The following CACNA2D3 variants were observed in gnomAD, a reference collection of about 807,000 sequenced individuals.
CACNA2D3 encodes the protein voltage-dependent calcium channel subunit alpha-2/delta-3.
In CACNA2D3, 60 loss-of-function variants were observed where a neutral mutation model predicts 160.6. The observed-to-expected ratio is 0.37, with a 90% CI of 0.30 to 0.46. CACNA2D3 has a LOEUF of 0.46. Among genes scored for constraint, CACNA2D3 ranks in the 20% least tolerant of loss-of-function variants. CACNA2D3 has a pLI of 1.00. For synonymous variants in CACNA2D3, 558 were observed against 492.9 expected, an observed-to-expected ratio of 1.13 and a Z score of -1.75; for missense variants, 1,205 against 1,365.0, an observed-to-expected ratio of 0.88 and a Z score of 1.85.
chr3:54,808,955 A>G (rs1217451757), intron 13 of CACNA2D3, among the ~76,000 whole-genome samples: 1 of 152,176 alleles, frequency 6.6e-6, no homozygotes, highest in Non-Finnish European at 1.5e-5. Flanking sequence ...GAAAACAGCA[A>G]ACTGTTATGG....
chr3:54,954,318 G>A (rs545059604), intron 27 of CACNA2D3, among the ~76,000 whole-genome samples: 79 of 152,302 alleles, frequency 5.2e-4, no homozygotes, highest in African/African-American at 1.9e-3. Context: ...CCACTGAGTT[G>A]TCTGTCTGTG....
chr3:54,569,345 G>GT (rs1336217693), intron 6 of CACNA2D3, among the ~76,000 whole-genome samples: 3 of 152,146 alleles, frequency 2.0e-5, no homozygotes, highest in Non-Finnish European at 2.9e-5. Flanking sequence ...TCCTTAGTTG[G>GT]AAACATTGTA....
chr3:55,027,353 G>A (rs1703584479), intron 35 of CACNA2D3, among the ~76,000 whole-genome samples: 2 of 152,154 alleles, frequency 1.3e-5, no homozygotes, highest in Non-Finnish European at 2.9e-5. Flanking sequence ...ATTTATCAAA[G>A]TATTTATGAA....
rs567161545 is a variant in CACNA2D3, at chr3:54,708,643, A to G, written c.1168-43956A>G. 3.3e-5 allele frequency among the ~76,000 whole-genome samples: 5 copies of G among 152,322 alleles called. No individual in the cohort carries two copies. In the South Asian group the frequency reaches 1.0e-3, roughly 32 times the overall value. ...GGGCTATTTGGAAAAGAGACAGATA[A>G]TTAAATCTTTTAGAGGAGAATGCTT... On this transcript the variant is annotated intron_variant, in intron 11 of 37. Coordinates refer to ENST00000474759, the MANE Select transcript of CACNA2D3 (RefSeq NM_018398.3).
chr3:54,476,424 G>C, intron 4 of CACNA2D3, among the ~76,000 whole-genome samples: 1 of 151,966 alleles, frequency 6.6e-6, no homozygotes, highest in East Asian at 1.9e-4. Context: ...TATACACCCA[G>C]AAATGAGATT....
intron 27 of CACNA2D3, among the ~76,000 whole-genome samples, chr3:54,919,438 A>C (rs1700772121): frequency 6.6e-6 from 1 of 152,234 alleles, no homozygotes; most frequent in Non-Finnish European, 1.5e-5. Flanking sequence ...GGATTTGACA[A>C]TACTGGAAGT....
chr3:54,635,332 A>G (rs1699347552), intron 10 of CACNA2D3, among the ~76,000 whole-genome samples: 1 of 152,148 alleles, frequency 6.6e-6, no homozygotes, highest in Admixed American at 6.5e-5. Flanking sequence ...TTATTTATTT[A>G]CTTCAAGAGT....
intron 13 of CACNA2D3, among the ~76,000 whole-genome samples, chr3:54,784,202 G>A (rs1334324596): frequency 1.3e-5 from 2 of 152,186 alleles, no homozygotes; most frequent in Non-Finnish European, 1.5e-5. Flanking sequence ...GTGTCCGGAA[G>A]GCAGGCCAGG....
intron 9 of CACNA2D3, among the ~76,000 whole-genome samples, chr3:54,590,714 TG>T (rs199516829): frequency 0.017 from 2,533 of 152,214 alleles, 72 homozygotes; most frequent in African/African-American, 0.058. Flanking sequence ...CCCAAAATGC[TG>T]GGATTACAGG....
chr3:54,302,847 T>G (rs567701183), intron 2 of CACNA2D3, among the ~76,000 whole-genome samples: 53 of 151,984 alleles, frequency 3.5e-4, no homozygotes, highest in Non-Finnish European at 6.5e-4. Context: ...CTGTGATCTC[T>G]CCTCCCTGCT....
chr3:54,153,117 C>G (rs1052462943), intron 2 of CACNA2D3, among the ~76,000 whole-genome samples: 1 of 152,168 alleles, frequency 6.6e-6, no homozygotes, highest in East Asian at 1.9e-4. Flanking sequence ...GTGCAGGGCA[C>G]AGGGTATCAG....
chr3:54,149,743 G>A (rs181076377), intron 2 of CACNA2D3, among the ~76,000 whole-genome samples: 1 of 152,186 alleles, frequency 6.6e-6, no homozygotes, highest in African/African-American at 2.4e-5. Flanking sequence ...ATGTGTTTTG[G>A]GTACCCACAG....
rs570369643 is a variant in CACNA2D3 at position 54,803,247 on chromosome 3, C to T, written c.1381-13606C>T. Among the ~76,000 whole-genome samples, 15 of 152,204 alleles carry T rather than the reference C, an allele frequency of 9.9e-5. No individual in the cohort carries two copies. In the South Asian group the frequency reaches 1.0e-3, roughly 11 times the overall value. ...CGAGTTGAGGGAAGAAGGCTTCAGA[C>T]GATCAAACTACTCCGAGCTACAGGA... On this transcript the variant is annotated intron_variant, in intron 13 of 37. Coordinates refer to ENST00000474759, the MANE Select transcript of CACNA2D3 (RefSeq NM_018398.3).
chr3:54,923,951 T>A lies in CACNA2D3; in HGVS notation c.2449+24083T>A, dbSNP rs922293779. On this transcript the variant is annotated intron_variant, in intron 27 of 37. Transcript: ENST00000474759. The stretch of plus-strand genomic sequence containing the variant: ...ATTATATAATGAATGGGCATGGCTG[T>A]GTTCCAATAAAACTTTATTTACAGA... Among the ~76,000 whole-genome samples, 5 of 152,248 alleles carry A rather than the reference T, an allele frequency of 3.3e-5. 1 individual carries two copies. Among genetic ancestry groups the A allele is most frequent in the Admixed American group, 3.3e-4 (5 of 15,290 alleles).
intron 11 of CACNA2D3, among the ~76,000 whole-genome samples, chr3:54,649,139 G>A (rs972095423): frequency 6.6e-5 from 10 of 152,092 alleles, no homozygotes; most frequent in Admixed American, 2.0e-4. Flanking sequence ...AATGTTTAGC[G>A]GCCCTTTCTC....
At chr3:54,315,316 G>A (rs1703835533) in intron 2 of CACNA2D3, among the ~76,000 whole-genome samples, 4 of 152,190 alleles carry the variant, frequency 2.6e-5, no homozygotes, top group African/African-American at 7.2e-5. Flanking sequence ...CCCTGTGGAG[G>A]AACAATCAAC....
chr3:54,455,688 A>G (rs2106828161), intron 4 of CACNA2D3, among the ~76,000 whole-genome samples: 1 of 152,158 alleles, frequency 6.6e-6, no homozygotes, highest in Admixed American at 6.5e-5. Flanking sequence ...GGTTTCTTCT[A>G]CTCATTTCAT....
intron 5 of CACNA2D3, among the ~76,000 whole-genome samples, chr3:54,505,790 C>G (rs1701359687): frequency 6.6e-6 from 1 of 152,186 alleles, no homozygotes; most frequent in Non-Finnish European, 1.5e-5. Flanking sequence ...TTAATTGCAC[C>G]TCTAGCTTTA....
chr3:54,924,452 A>G (rs1700950998), intron 27 of CACNA2D3, among the ~76,000 whole-genome samples: 1 of 152,176 alleles, frequency 6.6e-6, no homozygotes. Context: ...AACACCTTCT[A>G]ATGACTCACT....
Sources: allele counts gnomAD v4.1 joint callset (sites outside exome capture counted in the v4.1 genomes callset), GRCh38; gene constraint gnomAD v4.1.1; transcripts MANE v1.5; gene names NCBI Gene and HGNC (gene_info 2026-07-23, HGNC 2026-07-21).